The following AQP6 variants were observed in gnomAD, a reference collection of about 807,000 sequenced individuals.
AQP6 encodes aquaporin-6.
AQP6 carries 14 observed loss-of-function variants against 16.3 expected under a neutral mutation model. The ratio of observed to expected loss-of-function variants is 0.86; its 90% CI spans 0.57 to 1.34. The LOEUF (loss-of-function observed/expected upper bound fraction) is 1.34. Among genes scored for constraint, AQP6 ranks in the 40% most tolerant of loss-of-function variants. The pLI, the probability that AQP6 is intolerant of heterozygous loss-of-function variation, is 0.00. For missense variants in AQP6, 331 were observed against 379.7 expected (o/e 0.87, Z 1.07); for synonymous variants, 178 against 166.8 (o/e 1.07, Z -0.52).
At chr12:49,973,777 C>T (rs1006699288) in intron 1 of AQP6, 33 of 1,080,602 alleles carry the variant, frequency 3.1e-5, no homozygotes, top group South Asian at 5.8e-5. Flanking sequence ...GATAGTGGCG[C>T]GAAGAACAGG....
At chr12:49,973,597 T>C in intron 1 of AQP6, 22 bp downstream of exon 1, 1 of 1,567,732 alleles carries the variant, frequency 6.4e-7, no homozygotes. Context: ...GAGGGGCACC[T>C]GGAGGGCCAG....
chr12:49,974,321 C>A lies in AQP6; in HGVS notation c.403-3C>A. 1.3e-6 allele frequency: 2 copies of A among 1,555,170 alleles called. No individual in the cohort carries two copies. Among genetic ancestry groups the A allele is most frequent in the Non-Finnish European group, 1.7e-6 (2 of 1,145,482 alleles). On this transcript the variant is annotated splice_region_variant and splice_polypyrimidine_tract_variant and intron_variant, in intron 1 of 3. Transcript: ENST00000315520. ...CTGGTCCAGAGTAACTCCCTCTGTCCAGGTCCGGAACAGTGTCTCAACTGG... is the reference window on the plus strand; with the variant it reads ...CTGGTCCAGAGTAACTCCCTCTGTCAAGGTCCGGAACAGTGTCTCAACTGG...
rs1363586681 is a variant in AQP6, at chr12:49,973,243, A to T, written c.70A>T (p.Ser24Cys). ...MLACRLWKAI[S>C]RALFAEFLAT... ...GGCGTGCAGGCTTTGGAAAGCCATCAGCAGGGCGCTGTTTGCAGAGTTCCT... is the reference window on the plus strand; with the variant it reads ...GGCGTGCAGGCTTTGGAAAGCCATCTGCAGGGCGCTGTTTGCAGAGTTCCT... The change falls in exon 1 of 4, where the codon AGC (serine) becomes TGC (cysteine). Residue 24 changes from serine to cysteine, a missense_variant. Coordinates refer to ENST00000315520, the MANE Select transcript of AQP6 (RefSeq NM_001652.4). 5.6e-6 allele frequency: 9 copies of T among 1,613,924 alleles called. No individual in the cohort carries two copies. The Admixed American group carries it at 1.3e-4, about 24-fold the overall frequency.
At position 49,976,745 on chromosome 12, in the gene AQP6, G is replaced by T. The variant is rs998261839; in HGVS notation, c.*1074G>T. On this transcript the variant is annotated 3_prime_UTR_variant, in exon 4 of 4. Transcript: ENST00000315520. ...CACCCCACAGCCCACTCTCAGGCAG[G>T]AACAATCCTCAGAGGGGAAGTGCCC... 3.8e-6 allele frequency: 2 copies of T among 527,942 alleles called. No homozygotes were observed. Among genetic ancestry groups the T allele is most frequent in the African/African-American group, 3.9e-5 (2 of 51,806 alleles). 32.7% of individuals were successfully genotyped at this position (527,942 alleles called of 1,614,324 possible).
In AQP6 at chr12:49,975,371, G is replaced by A; in HGVS notation, c.643-94G>A. On this transcript the variant is annotated intron_variant, in intron 3 of 3. Coordinates refer to ENST00000315520, the MANE Select transcript of AQP6 (RefSeq NM_001652.4). The surrounding 1 kb of genome is among the most constrained non-coding windows in gnomAD (Gnocchi z 4.4). ...ACAGACAGTTGAGGGAGACCTGGGAGATCAAGTCGGCACTGGGGAAGCAGG... is the reference window on the plus strand; with the variant it reads ...ACAGACAGTTGAGGGAGACCTGGGAAATCAAGTCGGCACTGGGGAAGCAGG... 1 of 1,503,438 alleles carries A rather than the reference G, an allele frequency of 6.7e-7. No homozygotes were observed. Among genetic ancestry groups the A allele is most frequent in the Non-Finnish European group, 8.8e-7 (1 of 1,130,782 alleles). 93.1% of individuals were successfully genotyped at this position (1,503,438 alleles called of 1,614,324 possible). A position where few individuals can be genotyped will look rare whatever the true frequency, so the allele number is the denominator to read the frequency against.
chr12:49,975,957 G>A lies in AQP6; in HGVS notation c.*286G>A, dbSNP rs943046645. 6.9e-6 allele frequency: 2 copies of A among 289,712 alleles called. No individual in the cohort carries two copies. Among genetic ancestry groups the A allele is most frequent in the Non-Finnish European group, 1.3e-5 (2 of 157,466 alleles). 17.9% of individuals were successfully genotyped at this position (289,712 alleles called of 1,614,324 possible). Reference sequence around the variant, plus strand: ...CTCTCACCCACTGGACCCCGTAGGAGTCCTGACCCCAGATGCCCAAGTCTT... The same window carrying A: ...CTCTCACCCACTGGACCCCGTAGGAATCCTGACCCCAGATGCCCAAGTCTT... On this transcript the variant is annotated 3_prime_UTR_variant, in exon 4 of 4. Transcript: ENST00000315520. This position sits in a 1 kb window ranked among gnomAD's most constrained non-coding sequence, Gnocchi z 4.4.
chr12:49,974,252 C>T (rs1947553509), intron 1 of AQP6, 72 bp from the exon 2 acceptor site: 6 of 1,453,684 alleles, frequency 4.1e-6, no homozygotes, highest in African/African-American at 1.4e-5. Context: ...AGACCAGGCC[C>T]AGTGGCAGGG....
rs77417213 is a variant in AQP6, at chr12:49,975,234, C to T, written c.643-231C>T. 1.5e-3 allele frequency: 1,930 copies of T among 1,326,776 alleles called. 25 individuals carry two copies. In the African/African-American group the frequency reaches 0.025, roughly 17 times the overall value. 82.2% of individuals were successfully genotyped at this position (1,326,776 alleles called of 1,614,324 possible). A position where few individuals can be genotyped will look rare whatever the true frequency, so the allele number is the denominator to read the frequency against. On this transcript the variant is annotated intron_variant, in intron 3 of 3. Coordinates refer to ENST00000315520, the MANE Select transcript of AQP6 (RefSeq NM_001652.4). The surrounding 1 kb of genome is among the most constrained non-coding windows in gnomAD (Gnocchi z 4.4). ...GGAGACTGGCCCCAGGCCCCAGCCA[C>T]GGCTGCAGAGCCTGGGCTCAGCCCC...
At chr12:49,974,602 T>C (rs944716759) in intron 2 of AQP6, 120 bp downstream of exon 2, 12 of 1,416,582 alleles carry the variant, frequency 8.5e-6, no homozygotes, top group Middle Eastern at 4.1e-4. Context: ...GGAGCCAAAG[T>C]GGTACCCCCT....
chr12:49,975,369 G>C lies in AQP6; in HGVS notation c.643-96G>C. 6.7e-7 allele frequency: 1 copy of C among 1,502,828 alleles called. No individual in the cohort carries two copies. The allele number at this position is 1,502,828 out of a possible 1,614,324, so 93.1% of individuals were successfully genotyped here. A position where few individuals can be genotyped will look rare whatever the true frequency, so the allele number is the denominator to read the frequency against. On this transcript the variant is annotated intron_variant, in intron 3 of 3. Transcript: ENST00000315520. The surrounding 1 kb of genome is among the most constrained non-coding windows in gnomAD (Gnocchi z 4.4). ...TTACAGACAGTTGAGGGAGACCTGGGAGATCAAGTCGGCACTGGGGAAGCA... is the reference window on the plus strand; with the variant it reads ...TTACAGACAGTTGAGGGAGACCTGGCAGATCAAGTCGGCACTGGGGAAGCA...
At position 49,976,762 on chromosome 12, in the gene AQP6, G is replaced by T; in HGVS notation, c.*1091G>T. On this transcript the variant is annotated 3_prime_UTR_variant, in exon 4 of 4. Transcript: ENST00000315520. Reference sequence around the variant, plus strand: ...TCAGGCAGGAACAATCCTCAGAGGGGAAGTGCCCATCTAGCCATTGACTCA... The same window carrying T: ...TCAGGCAGGAACAATCCTCAGAGGGTAAGTGCCCATCTAGCCATTGACTCA... The T allele has an allele frequency of 1.8e-6, 1 of 550,060 alleles. No individual in the cohort carries two copies. 34.1% of individuals were successfully genotyped at this position (550,060 alleles called of 1,614,324 possible).
chr12:49,974,344 T>C lies in AQP6; in HGVS notation c.423T>C (p.Thr141=), dbSNP rs1947554330. The C allele has an allele frequency of 5.0e-6, 8 of 1,592,612 alleles. No homozygotes were observed. The highest frequency in any genetic ancestry group is 6.9e-6 in the Non-Finnish European group (8 of 1,166,728). Residue 141 remains threonine (T), a synonymous_variant, in exon 2 of 4, where the codon ACT becomes ACC. Coordinates refer to ENST00000315520, the MANE Select transcript of AQP6 (RefSeq NM_001652.4). ...GINVVRNSVS[T]GQAVAVELLL... is the part of the protein sequence containing the mutation. ...TCCAGGTCCGGAACAGTGTCTCAACTGGCCAGGCGGTGGCAGTGGAGCTGC... is the reference window on the plus strand; with the variant it reads ...TCCAGGTCCGGAACAGTGTCTCAACCGGCCAGGCGGTGGCAGTGGAGCTGC...
chr12:49,975,726 G>C lies in AQP6; in HGVS notation c.*55G>C. ...CTTCCTGCCTTGCAGGACCTGCCTG[G>C]AGGTTCTCCCTGGGGGTGGCGGGAG... On this transcript the variant is annotated 3_prime_UTR_variant, in exon 4 of 4. Coordinates refer to ENST00000315520, the MANE Select transcript of AQP6 (RefSeq NM_001652.4). This position sits in a 1 kb window ranked among gnomAD's most constrained non-coding sequence, Gnocchi z 4.4. 1.4e-6 allele frequency: 2 copies of C among 1,457,166 alleles called. No individual in the cohort carries two copies. The highest frequency in any genetic ancestry group is 1.8e-6 in the Non-Finnish European group (2 of 1,105,888). 90.3% of individuals were successfully genotyped at this position (1,457,166 alleles called of 1,614,324 possible). A position where few individuals can be genotyped will look rare whatever the true frequency, so the allele number is the denominator to read the frequency against.
rs1363464478 is a variant in AQP6, at chr12:49,975,751, G to C, written c.*80G>C. 2 of 1,440,606 alleles carry C rather than the reference G, an allele frequency of 1.4e-6. No homozygotes were observed. Among genetic ancestry groups the C allele is most frequent in the African/African-American group, 1.4e-5 (1 of 69,296 alleles). The allele number at this position is 1,440,606 out of a possible 1,614,324, so 89.2% of individuals were successfully genotyped here. On this transcript the variant is annotated 3_prime_UTR_variant, in exon 4 of 4. Transcript: ENST00000315520. This position sits in a 1 kb window ranked among gnomAD's most constrained non-coding sequence, Gnocchi z 4.4. ...GAGGTTCTCCCTGGGGGTGGCGGGAGGGGGAGGCTTGACCTTTTGTCCTGA... is the reference window on the plus strand; with the variant it reads ...GAGGTTCTCCCTGGGGGTGGCGGGACGGGGAGGCTTGACCTTTTGTCCTGA...
rs542564116 is a variant in AQP6 at position 49,975,318 on chromosome 12, G to T, written c.643-147G>T. On this transcript the variant is annotated intron_variant, in intron 3 of 3. Coordinates refer to ENST00000315520, the MANE Select transcript of AQP6 (RefSeq NM_001652.4). The surrounding 1 kb of genome is among the most constrained non-coding windows in gnomAD (Gnocchi z 4.4). ...CTTACCTTGTGGGCTTGGGAAACAC[G>T]ACTCGTGGTTCTCAAATTTAGCACC... 1 of 1,440,048 alleles carries T rather than the reference G, an allele frequency of 6.9e-7. No individual in the cohort carries two copies. Among genetic ancestry groups the T allele is most frequent in the Admixed American group, 2.7e-5 (1 of 36,522 alleles). The allele number at this position is 1,440,048 out of a possible 1,614,324, so 89.2% of individuals were successfully genotyped here.
Position 49,975,688 on chromosome 12 carries a change from C to T in AQP6, c.*17C>T. ...AGTGTGTGAAACAGCCTACGCCTGG[C>T]CGCGCCCTTGGGCTTCCTGCCTTGC... On this transcript the variant is annotated 3_prime_UTR_variant, in exon 4 of 4. Transcript: ENST00000315520. This position sits in a 1 kb window ranked among gnomAD's most constrained non-coding sequence, Gnocchi z 4.4. 1 of 1,510,030 alleles carries T rather than the reference C, an allele frequency of 6.6e-7. No homozygotes were observed. 93.5% of individuals were successfully genotyped at this position (1,510,030 alleles called of 1,614,324 possible).
rs575025578 is a variant in AQP6 at position 49,977,040 on chromosome 12, C to G, written c.*1369C>G. ...CTTCTCCAGCTGTAAAATGGACACA[C>G]AATCCTCCTCCAGGGACTGCTGTGA... On this transcript the variant is annotated 3_prime_UTR_variant, in exon 4 of 4. Coordinates refer to ENST00000315520, the MANE Select transcript of AQP6 (RefSeq NM_001652.4). 2.8e-6 allele frequency: 2 copies of G among 702,354 alleles called. No individual in the cohort carries two copies. Among genetic ancestry groups the G allele is most frequent in the Non-Finnish European group, 5.2e-6 (2 of 384,826 alleles). The allele number at this position is 702,354 out of a possible 1,614,324, so 43.5% of individuals were successfully genotyped here.
chr12:49,973,835 C>G (rs368347680), intron 1 of AQP6: 1 of 1,174,856 alleles, frequency 8.5e-7, no homozygotes, highest in African/African-American at 1.5e-5. Context: ...AAGGACCAGG[C>G]GTTTAAGGGT....
Position 49,973,101 on chromosome 12 carries a change from A to C in AQP6, c.-73A>C. 6.7e-7 allele frequency: 1 copy of C among 1,498,136 alleles called. No individual in the cohort carries two copies. Among genetic ancestry groups the C allele is most frequent in the Non-Finnish European group, 8.9e-7 (1 of 1,125,914 alleles). The allele number at this position is 1,498,136 out of a possible 1,614,324, so 92.8% of individuals were successfully genotyped here. ...AGCCAGAGACAGGACACCAGAAGAG[A>C]CAGGAGATCAGAGACCAGAGGAACA... On this transcript the variant is annotated 5_prime_UTR_variant, in exon 1 of 4. Coordinates refer to ENST00000315520, the MANE Select transcript of AQP6 (RefSeq NM_001652.4).
Sources: gnomAD v4.1 joint callset for allele counts on GRCh38, gnomAD v4.1.1 for gene constraint, Gnocchi (gnomAD v3.1) non-coding constraint, MANE v1.5 for transcripts, NCBI Gene and HGNC (gene_info 2026-07-23, HGNC 2026-07-21) for gene names.